Variants in CPPED1 observed in about 807,000 individuals in gnomAD.
CPPED1 encodes the protein serine/threonine-protein phosphatase CPPED1.
In CPPED1, 28 loss-of-function variants were observed where a neutral mutation model predicts 28.0. That is an observed-to-expected ratio of 1.00 (90% confidence interval 0.74 to 1.37). The LOEUF (loss-of-function observed/expected upper bound fraction) is 1.37. Ranked by LOEUF, CPPED1 falls within the 40% of genes most tolerant of loss-of-function variation. CPPED1 has a pLI of 0.00. For synonymous variants in CPPED1, 198 were observed against 180.2 expected (o/e 1.10, Z -0.79); for missense variants, 504 against 416.5 (o/e 1.21, Z -1.83).
chr16:12,724,329 T>A (rs1205626799), intron 2 of CPPED1, among the ~76,000 whole-genome samples: 2 of 152,036 alleles, frequency 1.3e-5, no homozygotes, highest in Non-Finnish European at 2.9e-5. Context: ...ACTTTACCCA[T>A]CCCTCTTGCC....
At chr16:12,679,940 A>G (rs1394211743) in intron 3 of CPPED1, among the ~76,000 whole-genome samples, 1 of 152,234 alleles carries the variant, frequency 6.6e-6, no homozygotes, top group East Asian at 1.9e-4. Flanking sequence ...AGCCAATGGA[A>G]AAGAGAAGAG....
intron 3 of CPPED1, among the ~76,000 whole-genome samples, chr16:12,676,577 C>T (rs1567272929): frequency 6.6e-6 from 1 of 152,102 alleles, no homozygotes. Context: ...AAGGCCAATT[C>T]AGAAGCACAG....
intron 2 of CPPED1, among the ~76,000 whole-genome samples, chr16:12,732,146 C>CA (rs774620319): frequency 0.04 from 4,674 of 115,436 alleles, 155 homozygotes; most frequent in African/African-American, 0.11. Context: ...TGAAACCCGT[C>CA]AAAAAAAAAA....
intron 3 of CPPED1, among the ~76,000 whole-genome samples, chr16:12,675,381 A>G (rs2079872774): frequency 6.6e-6 from 1 of 152,256 alleles, no homozygotes; most frequent in African/African-American, 2.4e-5. Flanking sequence ...CAGCCACTGC[A>G]TCAACAGAGG....
chr16:12,787,236 G>C (rs1034464712), intron 1 of CPPED1, among the ~76,000 whole-genome samples: 6 of 152,106 alleles, frequency 3.9e-5, no homozygotes, highest in African/African-American at 1.4e-4. Flanking sequence ...TCTCATTTCT[G>C]ACCCAGATGA....
intron 2 of CPPED1, 74 bp downstream of exon 2, chr16:12,781,110 CT>C (rs1567305000): frequency 1.4e-6 from 2 of 1,390,708 alleles, no homozygotes; most frequent in Non-Finnish European, 2.0e-6. Context: ...GAAGCAAAAT[CT>C]TTTTTTCTCC....
At chr16:12,683,585 C>T (rs964107811) in intron 3 of CPPED1, among the ~76,000 whole-genome samples, 11 of 152,204 alleles carry the variant, frequency 7.2e-5, no homozygotes, top group Admixed American at 6.5e-5. Flanking sequence ...CACCCCTCCT[C>T]GTGTGGGTTT....
chr16:12,701,353 G>C (rs1482121053), intron 3 of CPPED1, among the ~76,000 whole-genome samples: 1 of 151,936 alleles, frequency 6.6e-6, no homozygotes, highest in Admixed American at 6.6e-5. Flanking sequence ...GGCCAACATG[G>C]TGAAACCCCA....
At chr16:12,734,823 G>A (rs1240713909) in intron 2 of CPPED1, among the ~76,000 whole-genome samples, 1 of 152,076 alleles carries the variant, frequency 6.6e-6, no homozygotes, top group African/African-American at 2.4e-5. Context: ...CATGAATCAG[G>A]ACTTGCACCC....
intron 3 of CPPED1, among the ~76,000 whole-genome samples, chr16:12,669,472 T>C (rs910563365): frequency 5.3e-5 from 8 of 152,196 alleles, no homozygotes; most frequent in African/African-American, 1.9e-4. Flanking sequence ...GAGTGCATTT[T>C]ATGGTATGTG....
intron 2 of CPPED1, among the ~76,000 whole-genome samples, chr16:12,714,215 G>C (rs1450612796): frequency 1.3e-5 from 2 of 152,012 alleles, no homozygotes; most frequent in Non-Finnish European, 2.9e-5. Flanking sequence ...CTACTTTCTG[G>C]CTATTATGAA....
chr16:12,664,778 C>T lies in CPPED1; in HGVS notation c.*108G>A. 4 of 1,528,974 alleles carry T rather than the reference C, an allele frequency of 2.6e-6. No homozygotes were observed. Among genetic ancestry groups the T allele is most frequent in the Admixed American group, 2.5e-5 (1 of 40,492 alleles). The allele number at this position is 1,528,974 out of a possible 1,614,324, so 94.7% of individuals were successfully genotyped here. Reference sequence around the variant, plus strand: ...ATGCAAAAGGACATAAATTCACAAACCTGCCTGGGCTATTTTTATATTTCA... The same window carrying T: ...ATGCAAAAGGACATAAATTCACAAATCTGCCTGGGCTATTTTTATATTTCA... On this transcript the variant is annotated 3_prime_UTR_variant, in exon 4 of 4. Transcript: ENST00000381774. This position sits in a 1 kb window ranked among gnomAD's most constrained non-coding sequence, Gnocchi z 4.2.
chr16:12,750,430 T>A (rs2080320055), intron 2 of CPPED1, among the ~76,000 whole-genome samples: 1 of 152,126 alleles, frequency 6.6e-6, no homozygotes, highest in South Asian at 2.1e-4. Flanking sequence ...ATTAGTGTGA[T>A]TCAGGAAATA....
chr16:12,769,053 C>T (rs890206399), intron 2 of CPPED1, among the ~76,000 whole-genome samples: 11 of 151,728 alleles, frequency 7.2e-5, no homozygotes, highest in African/African-American at 1.5e-4. Flanking sequence ...TTAGTAGAGA[C>T]GGGGTTTTAC....
intron 3 of CPPED1, among the ~76,000 whole-genome samples, chr16:12,697,549 G>A (rs2079998370): frequency 6.6e-6 from 1 of 152,190 alleles, no homozygotes; most frequent in African/African-American, 2.4e-5. Context: ...TGTGGACAAG[G>A]TTCTGGGGAG....
chr16:12,780,094 G>A (rs1300612460), intron 2 of CPPED1, among the ~76,000 whole-genome samples: 3 of 152,186 alleles, frequency 2.0e-5, no homozygotes, highest in Non-Finnish European at 4.4e-5. Flanking sequence ...AGGGCACGTG[G>A]TTGCAGTGGA....
chr16:12,775,854 C>G (rs2141235493), intron 2 of CPPED1, among the ~76,000 whole-genome samples: 1 of 152,280 alleles, frequency 6.6e-6, no homozygotes, highest in South Asian at 2.1e-4. Context: ...GCAATGACAC[C>G]TCCTTTGCAA....
chr16:12,763,710 T>A (rs564365628), intron 2 of CPPED1, among the ~76,000 whole-genome samples: 4 of 152,290 alleles, frequency 2.6e-5, no homozygotes, highest in African/African-American at 9.6e-5. Context: ...AGGATCTGAA[T>A]TTAAGCCATC....
chr16:12,753,333 T>A (rs1433113260), intron 2 of CPPED1: 1 of 152,168 alleles, frequency 6.6e-6, no homozygotes, highest in Non-Finnish European at 1.5e-5. Flanking sequence ...TATTTTGATG[T>A]CAACGCATCT....
Sources: gnomAD v4.1 joint callset for allele counts (sites outside exome capture counted in the v4.1 genomes callset) on GRCh38, gnomAD v4.1.1 for gene constraint, Gnocchi (gnomAD v3.1) non-coding constraint, MANE v1.5 for transcripts, NCBI Gene and HGNC (gene_info 2026-07-23, HGNC 2026-07-21) for gene names.